The following PBRM1 variants were observed in gnomAD, a reference collection of about 807,000 sequenced individuals.
PBRM1 encodes the protein protein polybromo-1.
PBRM1 carries 27 observed loss-of-function variants against 194.5 expected under a neutral mutation model. The observed-to-expected ratio is 0.14, with a 90% CI of 0.10 to 0.19. PBRM1 has a LOEUF of 0.19. Ranked by LOEUF, PBRM1 falls within the 10% of genes least tolerant of loss-of-function variation. The pLI, the probability that PBRM1 is intolerant of heterozygous loss-of-function variation, is 1.00. For synonymous variants in PBRM1, 655 were observed against 693.2 expected, an observed-to-expected ratio of 0.94 and a Z score of 0.87; for missense variants, 1,466 against 2,077.2, an observed-to-expected ratio of 0.71 and a Z score of 5.72.
intron 21 of PBRM1, among the ~76,000 whole-genome samples, chr3:52,578,754 T>A (rs183960117): frequency 2.6e-5 from 4 of 152,330 alleles, no homozygotes; most frequent in Non-Finnish European, 4.4e-5. Context: ...CATTCTGCAG[T>A]GGACAGGAAA....
At chr3:52,639,355 C>T (rs2095975124) in intron 10 of PBRM1, among the ~76,000 whole-genome samples, 1 of 152,110 alleles carries the variant, frequency 6.6e-6, no homozygotes, top group Non-Finnish European at 1.5e-5. Flanking sequence ...TTGACAATCT[C>T]ACCTCAGACT....
intron 22 of PBRM1, among the ~76,000 whole-genome samples, chr3:52,572,522 C>A (rs2087759609): frequency 6.6e-6 from 1 of 152,126 alleles, no homozygotes. Context: ...CAGGAATGCA[C>A]CACCACAGCT....
intron 20 of PBRM1, among the ~76,000 whole-genome samples, chr3:52,579,820 C>A (rs2090632010): frequency 6.6e-6 from 1 of 152,148 alleles, no homozygotes; most frequent in Non-Finnish European, 1.5e-5. Flanking sequence ...AACAAAAAAA[C>A]TGGAGAGGAT....
chr3:52,573,588 C>A (rs1219807549), intron 22 of PBRM1, among the ~76,000 whole-genome samples: 1 of 152,196 alleles, frequency 6.6e-6, no homozygotes, highest in Non-Finnish European at 1.5e-5. Context: ...AGCCACCATG[C>A]CCGGCCAGAA....
At chr3:52,628,282 A>C (rs2095507330) in intron 12 of PBRM1, among the ~76,000 whole-genome samples, 1 of 151,678 alleles carries the variant, frequency 6.6e-6, no homozygotes, top group Admixed American at 6.6e-5. Context: ...ATTACTGTAC[A>C]GGGACCAATC....
chr3:52,554,518 T>C (rs985374885), intron 27 of PBRM1, among the ~76,000 whole-genome samples: 1 of 152,260 alleles, frequency 6.6e-6, no homozygotes, highest in Non-Finnish European at 1.5e-5. Flanking sequence ...GCTGTGCTGC[T>C]GCCAGCAGCC....
At chr3:52,600,187 G>C (rs1434587784) in intron 17 of PBRM1, among the ~76,000 whole-genome samples, 2 of 152,092 alleles carry the variant, frequency 1.3e-5, no homozygotes, top group Non-Finnish European at 2.9e-5. Flanking sequence ...GGGGATCTTT[G>C]ACTCCTCTGT....
At chr3:52,675,122 TA>T (rs2097067611) in intron 2 of PBRM1, among the ~76,000 whole-genome samples, 1 of 152,054 alleles carries the variant, frequency 6.6e-6, no homozygotes. Flanking sequence ...ACAAATTAGA[TA>T]AACTAGAAGA....
chr3:52,611,231 A>G (rs1322494043), intron 15 of PBRM1, among the ~76,000 whole-genome samples: 1 of 152,240 alleles, frequency 6.6e-6, no homozygotes, highest in African/African-American at 2.4e-5. Context: ...ATATTAGATA[A>G]GGCAAAGTTT....
chr3:52,633,865 G>A (rs1358302551), intron 11 of PBRM1, among the ~76,000 whole-genome samples: 2 of 151,556 alleles, frequency 1.3e-5, no homozygotes, highest in Non-Finnish European at 2.9e-5. Flanking sequence ...TTTTTTTTGT[G>A]GTTGAGACGT....
At chr3:52,565,283 A>T (rs1307160827) in intron 22 of PBRM1, among the ~76,000 whole-genome samples, 4 of 151,936 alleles carry the variant, frequency 2.6e-5, no homozygotes, top group Non-Finnish European at 5.9e-5. Context: ...AGGAGGGTGG[A>T]TCACCTGAGG....
At chr3:52,650,302 TGCA>T in intron 6 of PBRM1, among the ~76,000 whole-genome samples, 1 of 143,072 alleles carries the variant, frequency 7.0e-6, no homozygotes, top group Middle Eastern at 3.7e-3. Context: ...GGTGGAGGTT[TGCA>T]GTGAGGTGAG....
chr3:52,677,867 C>T (rs182765499), intron 2 of PBRM1, among the ~76,000 whole-genome samples: 1 of 151,986 alleles, frequency 6.6e-6, no homozygotes, highest in East Asian at 1.9e-4. Context: ...CTGGTCAGTA[C>T]TCTTTTTTAA....
At chr3:52,574,864 T>G (rs958940686) in intron 22 of PBRM1, among the ~76,000 whole-genome samples, 1 of 152,202 alleles carries the variant, frequency 6.6e-6, no homozygotes, top group Non-Finnish European at 1.5e-5. Context: ...ACTAAGCTTA[T>G]AGAACAGAGA....
At chr3:52,553,419 A>T (rs1314807504) in intron 27 of PBRM1, among the ~76,000 whole-genome samples, 2 of 151,890 alleles carry the variant, frequency 1.3e-5, no homozygotes, top group Non-Finnish European at 2.9e-5. Flanking sequence ...AGAACTTCTA[A>T]GCTTCTGTTG....
At chr3:52,630,448 C>A (rs560749484) in intron 11 of PBRM1, among the ~76,000 whole-genome samples, 1 of 152,346 alleles carries the variant, frequency 6.6e-6, no homozygotes, top group East Asian at 1.9e-4. Context: ...CTTAATCACA[C>A]TAGCCACATT....
At chr3:52,598,961 G>A (rs1273090055) in intron 17 of PBRM1, among the ~76,000 whole-genome samples, 2 of 149,868 alleles carry the variant, frequency 1.3e-5, no homozygotes, top group African/African-American at 2.5e-5. Flanking sequence ...GGCAGAGGCT[G>A]CAGTGAGCTG....
At chr3:52,617,227 A>C in intron 14 of PBRM1, 35 bp downstream of exon 16, 1 of 1,587,000 alleles carries the variant, frequency 6.3e-7, no homozygotes, top group Non-Finnish European at 8.6e-7. Context: ...TCTCCCGCAA[A>C]ATGTGCCTAC....
chr3:52,669,648 T>G (rs1245211060), intron 2 of PBRM1, among the ~76,000 whole-genome samples: 2 of 152,230 alleles, frequency 1.3e-5, no homozygotes, highest in Non-Finnish European at 2.9e-5. Flanking sequence ...GAACCTTAGC[T>G]GACAGGTTAT....
Sources: gnomAD v4.1 joint callset for allele counts (sites outside exome capture counted in the v4.1 genomes callset) on GRCh38, gnomAD v4.1.1 for gene constraint, MANE v1.5 for transcripts, NCBI Gene and HGNC (gene_info 2026-07-23, HGNC 2026-07-21) for gene names.